The following SPATS2 variants were observed in gnomAD, a reference collection of about 807,000 sequenced individuals.
The protein encoded by SPATS2 is spermatogenesis-associated serine-rich protein 2.
Under a neutral mutation model 63.7 loss-of-function variants are expected in SPATS2, and 38 were observed. That is an observed-to-expected ratio of 0.60 (90% confidence interval 0.46 to 0.78). The LOEUF (loss-of-function observed/expected upper bound fraction) is 0.78, where lower values mean the gene tolerates loss of function less well. SPATS2 is among the 30% of genes least tolerant of loss of function. The pLI, the probability that SPATS2 is intolerant of heterozygous loss-of-function variation, is 0.00. For missense variants in SPATS2, 588 were observed against 666.2 expected, an observed-to-expected ratio of 0.88 and a Z score of 1.29; for synonymous variants, 207 against 232.9, an observed-to-expected ratio of 0.89 and a Z score of 1.01.
At chr12:49,469,331 A>G (rs949042332) in intron 3 of SPATS2, among the ~76,000 whole-genome samples, 4 of 142,636 alleles carry the variant, frequency 2.8e-5, no homozygotes, top group Non-Finnish European at 6.0e-5. Flanking sequence ...CGGAGGTTGC[A>G]GTGAGCCGAA....
intron 2 of SPATS2, among the ~76,000 whole-genome samples, chr12:49,423,086 T>A (rs1003977022): frequency 1.3e-5 from 2 of 152,082 alleles, no homozygotes; most frequent in African/African-American, 4.8e-5. Flanking sequence ...TCTTCCCTAT[T>A]TGGGGGAAAA....
chr12:49,382,193 G>A (rs2137194703), intron 2 of SPATS2, among the ~76,000 whole-genome samples: 1 of 152,270 alleles, frequency 6.6e-6, no homozygotes, highest in African/African-American at 2.4e-5. Flanking sequence ...CTTTCGGGTG[G>A]ATTCAAATGC....
At chr12:49,417,655 C>T (rs1311911882) in intron 2 of SPATS2, among the ~76,000 whole-genome samples, 2 of 152,144 alleles carry the variant, frequency 1.3e-5, no homozygotes, top group Non-Finnish European at 2.9e-5. Flanking sequence ...CTTTATCTTT[C>T]TGGGTTTGTA....
intron 12 of SPATS2, among the ~76,000 whole-genome samples, chr12:49,523,436 A>G (rs1366571621): frequency 6.6e-6 from 1 of 152,126 alleles, no homozygotes; most frequent in Admixed American, 6.6e-5. Flanking sequence ...TTGAGGTTCC[A>G]GTGAGCTATG....
chr12:49,486,341 G>A (rs778816589), intron 4 of SPATS2: 10 of 365,870 alleles, frequency 2.7e-5, no homozygotes, highest in Non-Finnish European at 4.9e-5. Context: ...GTGTAGCTGG[G>A]GATACAGGTG....
At chr12:49,482,562 T>C (rs182497474) in intron 3 of SPATS2, among the ~76,000 whole-genome samples, 232 of 152,316 alleles carry the variant, frequency 1.5e-3, no homozygotes, top group Non-Finnish European at 2.8e-3. Flanking sequence ...GGTACAGCCC[T>C]ATCTTGGGTG....
At chr12:49,452,886 A>C (rs555031549) in intron 2 of SPATS2, among the ~76,000 whole-genome samples, 1 of 151,946 alleles carries the variant, frequency 6.6e-6, no homozygotes, top group Admixed American at 6.6e-5. Context: ...GGCCGGGCGC[A>C]GTGGCTCACG....
At chr12:49,403,638 C>CACACACAA (rs1397311361) in intron 2 of SPATS2, among the ~76,000 whole-genome samples, 1 of 145,928 alleles carries the variant, frequency 6.9e-6, no homozygotes. Flanking sequence ...CACACACACA[C>CACACACAA]ACAAACAAAA....
intron 2 of SPATS2, among the ~76,000 whole-genome samples, chr12:49,386,313 G>A (rs1203808174): frequency 2.0e-5 from 3 of 151,590 alleles, no homozygotes; most frequent in African/African-American, 4.9e-5. Flanking sequence ...ACAGGCGTGC[G>A]CCACCATGCC....
intron 2 of SPATS2, chr12:49,389,382 GCTAA>G (rs1944379699): frequency 1.8e-6 from 1 of 549,258 alleles, no homozygotes; most frequent in Admixed American, 3.3e-5. Flanking sequence ...TTCAGCGTCT[GCTAA>G]CTGAGGAGGC....
intron 2 of SPATS2, among the ~76,000 whole-genome samples, chr12:49,380,269 C>T (rs1055028647): frequency 6.6e-6 from 1 of 151,648 alleles, no homozygotes; most frequent in Non-Finnish European, 1.5e-5. Context: ...AGTGAACCTC[C>T]CACATCAGCC....
At chr12:49,479,626 A>G (rs79764803) in intron 3 of SPATS2, among the ~76,000 whole-genome samples, 1,918 of 152,222 alleles carry the variant, frequency 0.013, 43 homozygotes, top group African/African-American at 0.038. Flanking sequence ...CCAACTCAGA[A>G]GGGGTAGGGC....
intron 2 of SPATS2, chr12:49,389,642 A>G (rs1222604814): frequency 8.0e-7 from 1 of 1,251,332 alleles, no homozygotes; most frequent in Non-Finnish European, 1.2e-6. Context: ...AGTAGAAGCC[A>G]CGAAGCAGTA....
chr12:49,377,320 G>C (rs1420694917), intron 2 of SPATS2, among the ~76,000 whole-genome samples: 1 of 152,002 alleles, frequency 6.6e-6, no homozygotes, highest in East Asian at 1.9e-4. Flanking sequence ...TTGTAATTTG[G>C]GAGCACAGGG....
intron 10 of SPATS2, among the ~76,000 whole-genome samples, chr12:49,517,449 G>A (rs1565761562): frequency 6.6e-6 from 1 of 152,196 alleles, no homozygotes; most frequent in African/African-American, 2.4e-5. Flanking sequence ...ATTCCTCAGT[G>A]TGTTACAGGA....
chr12:49,371,532 T>C (rs1266585960), intron 2 of SPATS2, among the ~76,000 whole-genome samples: 1 of 152,186 alleles, frequency 6.6e-6, no homozygotes, highest in African/African-American at 2.4e-5. Context: ...TACAAATACT[T>C]GTTCGAGTCC....
At chr12:49,437,596 G>T (rs1259684917) in intron 2 of SPATS2, among the ~76,000 whole-genome samples, 5 of 152,000 alleles carry the variant, frequency 3.3e-5, no homozygotes, top group African/African-American at 1.2e-4. Flanking sequence ...GGAGGCCAAG[G>T]CTGGCGGATC....
chr12:49,442,785 T>TAAAA lies in SPATS2; in HGVS notation c.-243-17985_-243-17984insAAAA, dbSNP rs1945442679. On this transcript the variant is annotated intron_variant, in intron 2 of 13. Coordinates refer to ENST00000552918, the MANE Select transcript of SPATS2 (RefSeq NM_023071.4). Reference sequence around the variant, plus strand: ...GGCAACAGAGAGAGACCATGTCTCCTTAAAAAAAAAAAAAAAAAAAAAAAA... The same window carrying TAAAA: ...GGCAACAGAGAGAGACCATGTCTCCTAAAATAAAAAAAAAAAAAAAAAAAAAAAA... 24 of 62,916 alleles carry TAAAA rather than the reference T, an allele frequency of 3.8e-4. 5 individuals carry two copies. The highest frequency in any genetic ancestry group is 8.8e-4 in the African/African-American group (21 of 23,826). 3.9% of individuals were successfully genotyped at this position (62,916 alleles called of 1,614,324 possible).
At chr12:49,516,136 C>A in intron 10 of SPATS2, among the ~76,000 whole-genome samples, 1 of 7,540 alleles carries the variant, frequency 1.3e-4, no homozygotes, top group Non-Finnish European at 2.6e-4. Flanking sequence ...AAGACTCCAT[C>A]TCAAAAAAAA....
Sources: allele counts gnomAD v4.1 joint callset (sites outside exome capture counted in the v4.1 genomes callset), GRCh38; gene constraint gnomAD v4.1.1; transcripts MANE v1.5; gene names NCBI Gene and HGNC (gene_info 2026-07-23, HGNC 2026-07-21).